The following IRX5 variants were observed in gnomAD, a reference collection of about 807,000 sequenced individuals.
IRX5 encodes the protein iroquois homeobox 5.
In IRX5, 8 loss-of-function variants were observed where a neutral mutation model predicts 37.6. The observed-to-expected ratio is 0.21, with a 90% confidence interval of 0.12 to 0.38. The LOEUF (loss-of-function observed/expected upper bound fraction) is 0.38, where lower values mean the gene tolerates loss of function less well. Ranked by LOEUF, IRX5 falls within the 10% of genes least tolerant of loss-of-function variation. IRX5 has a pLI of 1.00. For synonymous variants in IRX5, 359 were observed against 328.6 expected (o/e 1.09, Z -1.00); for missense variants, 635 against 695.2 (o/e 0.91, Z 0.97).
Position 54,931,260 on chromosome 16 carries a change from C to T in IRX5, c.62C>T (p.Pro21Leu), listed in dbSNP as rs1454297084. ...GCCTCGCTGGCGCTCTACTCGTGCC[C>T]GGCGTACAGCACCAGCGTCATTTCG... The part of the protein sequence containing the change: ...PSASLALYSC[P>L]AYSTSVISGP... The change falls in exon 1 of 3, where the codon CCG (proline) becomes CTG (leucine). Residue 21 changes from proline to leucine, a missense_variant. Coordinates refer to ENST00000394636, the MANE Select transcript of IRX5 (RefSeq NM_005853.6). The T allele has an allele frequency of 1.2e-6, 2 of 1,612,310 alleles. No homozygotes were observed. The highest frequency in any genetic ancestry group is 1.3e-5 in the African/African-American group (1 of 74,834).
chr16:54,931,239 C>T lies in IRX5; in HGVS notation c.41C>T (p.Ser14Leu). ...PQGYLYQPSA[S>L]LALYSCPAYS... Reference sequence around the variant, plus strand: ...GGCTACTTGTACCAGCCGTCCGCCTCGCTGGCGCTCTACTCGTGCCCGGCG... The same window carrying T: ...GGCTACTTGTACCAGCCGTCCGCCTTGCTGGCGCTCTACTCGTGCCCGGCG... Residue 14 changes from serine (S) to leucine (L), a missense_variant, in exon 1 of 3, where the codon TCG becomes TTG. Physicochemically the swap from Ser to Leu is moderately radical, Grantham distance 145. Around this residue, in one of 5 missense-constraint regions of IRX5, gnomAD observed 145 missense variants for 152.4 expected, o/e 0.95. Coordinates refer to ENST00000394636, the MANE Select transcript of IRX5 (RefSeq NM_005853.6). 1 of 1,611,694 alleles carries T rather than the reference C, an allele frequency of 6.2e-7. No homozygotes were observed. The highest frequency in any genetic ancestry group is 1.3e-5 in the African/African-American group (1 of 74,832).
rs1220018985 is a variant in IRX5, at chr16:54,930,996, C to T, written c.-203C>T. Reference sequence around the variant, plus strand: ...GCCCAGCTGGGGCGAGCGAGGCGCGCAGAGGAGCGGGCGCGGCGGTCGCAG... The same window carrying T: ...GCCCAGCTGGGGCGAGCGAGGCGCGTAGAGGAGCGGGCGCGGCGGTCGCAG... On this transcript the variant is annotated 5_prime_UTR_variant, in exon 1 of 3. Transcript: ENST00000394636. The T allele has an allele frequency of 6.2e-6, 1 of 161,794 alleles. No individual in the cohort carries two copies. Among genetic ancestry groups the T allele is most frequent in the East Asian group, 1.9e-4 (1 of 5,272 alleles). 10.0% of individuals were successfully genotyped at this position (161,794 alleles called of 1,614,324 possible).
chr16:54,934,019 C>A lies in IRX5; in HGVS notation c.*146C>A. On this transcript the variant is annotated 3_prime_UTR_variant, in exon 3 of 3. Coordinates refer to ENST00000394636, the MANE Select transcript of IRX5 (RefSeq NM_005853.6). ...GTTTATAGTTTATGGAGATGGATGA[C>A]ATAAAAATGTAAACATCTCCACACA... The A allele has an allele frequency of 1.3e-6, 1 of 746,768 alleles. No homozygotes were observed. The highest frequency in any genetic ancestry group is 1.9e-6 in the Non-Finnish European group (1 of 519,548). 46.3% of individuals were successfully genotyped at this position (746,768 alleles called of 1,614,324 possible). A position where few individuals can be genotyped will look rare whatever the true frequency, so the allele number is the denominator to read the frequency against.
rs1023501013 is a variant in IRX5 at position 54,932,445 on chromosome 16, C to G, written c.250-53C>G. 8 of 1,543,202 alleles carry G rather than the reference C, an allele frequency of 5.2e-6. No homozygotes were observed. The highest frequency in any genetic ancestry group is 7.0e-6 in the Non-Finnish European group (8 of 1,143,838). ...AGGGAAAAGGGTGCTTCGGTCGTTC[C>G]GATGGCAGTGGAGACCACGGTCCAC... On this transcript the variant is annotated intron_variant, in intron 1 of 2. Coordinates refer to ENST00000394636, the MANE Select transcript of IRX5 (RefSeq NM_005853.6). The surrounding 1 kb of genome is among the most constrained non-coding windows in gnomAD (Gnocchi z 6.7).
chr16:54,932,893 C>T lies in IRX5; in HGVS notation c.645C>T (p.Gly215=), dbSNP rs1329922842. ...QKPEDKGDPE[G]PEAGGAEQKA... is the part of the protein sequence containing the mutation. ...CCGAGGACAAGGGCGACCCCGAGGG[C>T]CCCGAAGCAGGTTGGTGGACATGGG... The change falls in exon 2 of 3, where the codon GGC becomes GGT. Residue 215 remains glycine (G), a synonymous_variant. Transcript: ENST00000394636. This position sits in a 1 kb window ranked among gnomAD's most constrained non-coding sequence, Gnocchi z 6.7. 1.2e-6 allele frequency: 2 copies of T among 1,609,914 alleles called. No individual in the cohort carries two copies. The highest frequency in any genetic ancestry group is 4.5e-5 in the East Asian group (2 of 44,782).
chr16:54,933,906 T>C lies in IRX5; in HGVS notation c.*33T>C, dbSNP rs1403671028. 1 of 1,526,752 alleles carries C rather than the reference T, an allele frequency of 6.5e-7. No homozygotes were observed. The highest frequency in any genetic ancestry group is 8.8e-7 in the Non-Finnish European group (1 of 1,135,200). The allele number at this position is 1,526,752 out of a possible 1,614,324, so 94.6% of individuals were successfully genotyped here. On this transcript the variant is annotated 3_prime_UTR_variant, in exon 3 of 3. Transcript: ENST00000394636. ...TGCGTCGGTCCCGGACTTTTCTAAT[T>C]TATTAAAAACATGGCCTTGGCAGTT...
rs1369773716 is a variant in IRX5 at position 54,934,020 on chromosome 16, A to T, written c.*147A>T. On this transcript the variant is annotated 3_prime_UTR_variant, in exon 3 of 3. Transcript: ENST00000394636. ...TTTATAGTTTATGGAGATGGATGAC[A>T]TAAAAATGTAAACATCTCCACACAA... 2 of 749,950 alleles carry T rather than the reference A, an allele frequency of 2.7e-6. No individual in the cohort carries two copies. Among genetic ancestry groups the T allele is most frequent in the Non-Finnish European group, 3.8e-6 (2 of 519,754 alleles). The allele number at this position is 749,950 out of a possible 1,614,324, so 46.5% of individuals were successfully genotyped here.
rs370331090 is a variant in IRX5 at position 54,933,604 on chromosome 16, G to A, written c.1183G>A (p.Gly395Arg). 6 of 1,610,412 alleles carry A rather than the reference G, an allele frequency of 3.7e-6. No homozygotes were observed. Among genetic ancestry groups the A allele is most frequent in the Admixed American group, 1.7e-5 (1 of 59,752 alleles). Residue 395 changes from glycine (G) to arginine (R), a missense_variant, in exon 3 of 3, where the codon GGG becomes AGG. Around this residue, in one of 5 missense-constraint regions of IRX5, gnomAD observed 188 missense variants for 200.8 expected, o/e 0.94. Coordinates refer to ENST00000394636, the MANE Select transcript of IRX5 (RefSeq NM_005853.6). ...CTCGGCGCAGTGTCCTTTTCCAGGCGGGACGGTGCTGTCCCGGCCTCTCTA... is the reference window on the plus strand; with the variant it reads ...CTCGGCGCAGTGTCCTTTTCCAGGCAGGACGGTGCTGTCCCGGCCTCTCTA... ...SPSAQCPFPG[G>R]TVLSRPLYYT... is the part of the protein sequence containing the mutation.
Position 54,931,218 on chromosome 16 carries a change from A to G in IRX5, c.20A>G (p.Tyr7Cys). Residue 7 changes from tyrosine (Y) to cysteine (C), a missense_variant, in exon 1 of 3, where the codon TAC becomes TGC. Coordinates refer to ENST00000394636, the MANE Select transcript of IRX5 (RefSeq NM_005853.6). ...GTGGCCATGTCCTATCCGCAGGGCT[A>G]CTTGTACCAGCCGTCCGCCTCGCTG... MSYPQGYLYQPSASLAL... is the reference protein window; with the variant it reads MSYPQGCLYQPSASLAL... The G allele has an allele frequency of 6.2e-7, 1 of 1,610,398 alleles. No homozygotes were observed. The highest frequency in any genetic ancestry group is 1.1e-5 in the South Asian group (1 of 90,760).
chr16:54,933,649 C>G lies in IRX5; in HGVS notation c.1228C>G (p.Pro410Ala), dbSNP rs1376125033. The change falls in exon 3 of 3, where the codon CCC becomes GCC. Residue 410 changes from proline to alanine, a missense_variant. Transcript: ENST00000394636. The stretch of plus-strand genomic sequence containing the variant: ...TCTCTACTACACCGCGCCCTTCTAT[C>G]CCGGCTACACGAACTATGGCTCCTT... ...RPLYYTAPFY[P>A]GYTNYGSFGH... 3.1e-6 allele frequency: 5 copies of G among 1,610,750 alleles called. No individual in the cohort carries two copies. Among genetic ancestry groups the G allele is most frequent in the Non-Finnish European group, 3.4e-6 (4 of 1,177,564 alleles).
In IRX5 at chr16:54,932,039, G is replaced by C. The variant is rs1200717237; in HGVS notation, c.250-459G>C. The C allele has an allele frequency of 5.7e-6, 4 of 701,324 alleles. No individual in the cohort carries two copies. Among genetic ancestry groups the C allele is most frequent in the African/African-American group, 1.8e-5 (1 of 57,048 alleles). The allele number at this position is 701,324 out of a possible 1,614,324, so 43.4% of individuals were successfully genotyped here. On this transcript the variant is annotated intron_variant, in intron 1 of 2. Coordinates refer to ENST00000394636, the MANE Select transcript of IRX5 (RefSeq NM_005853.6). The surrounding 1 kb of genome is among the most constrained non-coding windows in gnomAD (Gnocchi z 6.7). The stretch of plus-strand genomic sequence containing the variant: ...GTGCGTGGGCATGGCTCAGCTTTTT[G>C]TTTGCATTTCTTAGCTGTTGAAAAA...
chr16:54,933,126 AC>A lies in IRX5; in HGVS notation c.708del (p.Thr237ProfsTer130). 1 of 1,586,552 alleles carries A rather than the reference AC, an allele frequency of 6.3e-7. No homozygotes were observed. The highest frequency in any genetic ancestry group is 1.1e-5 in the South Asian group (1 of 88,986). ...CGGGCTGCGAACGGCTTCAGGGACC[AC>A]CCACCCCTGCAGGCAAGGAGACGGA... ...ASGCERLQGP[P>X]TPAGKETEGS... On this transcript the variant is annotated frameshift_variant, in exon 3 of 3. Coordinates refer to ENST00000394636, the MANE Select transcript of IRX5 (RefSeq NM_005853.6). LOFTEE classifies it high-confidence loss of function.
At position 54,932,534 on chromosome 16, in the gene IRX5, T is replaced by C. The variant is rs775342931; in HGVS notation, c.286T>C (p.Ser96Pro). The C allele has an allele frequency of 6.2e-7, 1 of 1,613,380 alleles. No individual in the cohort carries two copies. Among genetic ancestry groups the C allele is most frequent in the Non-Finnish European group, 8.5e-7 (1 of 1,179,656 alleles). Residue 96 changes from serine to proline, a missense_variant, in exon 2 of 3, where the codon TCC (serine) becomes CCC (proline). By Grantham distance (74) the Ser-to-Pro change is moderately conservative (BLOSUM62 -1). Around this residue, in one of 5 missense-constraint regions of IRX5, gnomAD observed 145 missense variants for 152.4 expected, o/e 0.95. Transcript: ENST00000394636. This position sits in a 1 kb window ranked among gnomAD's most constrained non-coding sequence, Gnocchi z 6.7. ...CGACCACACACCCGGCATGGCGGGC[T>C]CCTTGGGGTACCATCCTTACGCGGC... ...PYDHTPGMAG[S>P]LGYHPYAAPL...
Position 54,933,308 on chromosome 16 carries a change from C to T in IRX5, c.887C>T (p.Pro296Leu). The T allele has an allele frequency of 1.4e-6, 2 of 1,414,834 alleles. No homozygotes were observed. The highest frequency in any genetic ancestry group is 1.8e-6 in the Non-Finnish European group (2 of 1,091,152). The allele number at this position is 1,414,834 out of a possible 1,614,324, so 87.6% of individuals were successfully genotyped here. A position where few individuals can be genotyped will look rare whatever the true frequency, so the allele number is the denominator to read the frequency against. ...GCCCCTCACTACCCCGCCGGAGCGC[C>T]GGCGCCCGGCCCGCATCCAGCCGCG... ...DPAPHYPAGA[P>L]APGPHPAAGE... Residue 296 changes from proline to leucine, a missense_variant, in exon 3 of 3, where the codon CCG becomes CTG. Physicochemically the swap from Pro to Leu is moderately conservative, Grantham distance 98. Coordinates refer to ENST00000394636, the MANE Select transcript of IRX5 (RefSeq NM_005853.6).
chr16:54,933,204 C>T lies in IRX5; in HGVS notation c.783C>T (p.Leu261=), dbSNP rs750725523. ...AGGAGCCGCCCTCGGAGGGCCGCCT[C>T]GACGCGCTGCAGGGCCCCCCCCGCA... is the stretch of plus-strand genomic sequence containing the variant. The part of the protein sequence containing the change: ...DFKEPPSEGR[L]DALQGPPRTG... The change falls in exon 3 of 3, where the codon CTC becomes CTT. Residue 261 remains leucine, a synonymous_variant. Transcript: ENST00000394636. The T allele has an allele frequency of 6.5e-7, 1 of 1,533,844 alleles. No homozygotes were observed. Among genetic ancestry groups the T allele is most frequent in the Non-Finnish European group, 8.7e-7 (1 of 1,147,112 alleles).
In IRX5 at chr16:54,931,008, C is replaced by A; in HGVS notation, c.-191C>A. 1 of 170,376 alleles carries A rather than the reference C, an allele frequency of 5.9e-6. No homozygotes were observed. The highest frequency in any genetic ancestry group is 1.2e-5 in the Non-Finnish European group (1 of 84,154). 10.6% of individuals were successfully genotyped at this position (170,376 alleles called of 1,614,324 possible). ...CGAGCGAGGCGCGCAGAGGAGCGGG[C>A]GCGGCGGTCGCAGCCGGAGGCGCGC... On this transcript the variant is annotated 5_prime_UTR_variant, in exon 1 of 3. Coordinates refer to ENST00000394636, the MANE Select transcript of IRX5 (RefSeq NM_005853.6).
In IRX5 at chr16:54,932,145, C is replaced by T. The variant is rs1430584495; in HGVS notation, c.250-353C>T. The T allele has an allele frequency of 1.1e-5, 8 of 702,834 alleles. No individual in the cohort carries two copies. The highest frequency in any genetic ancestry group is 2.1e-5 in the Non-Finnish European group (8 of 384,980). The allele number at this position is 702,834 out of a possible 1,614,324, so 43.5% of individuals were successfully genotyped here. ...CGCTCCCCCGCCGAGCGCGGAGTCG[C>T]CTCAGTTGCCCAGGCCTCTATCTGC... On this transcript the variant is annotated intron_variant, in intron 1 of 2. Transcript: ENST00000394636. The surrounding 1 kb of genome is among the most constrained non-coding windows in gnomAD (Gnocchi z 6.7).
At position 54,931,104 on chromosome 16, in the gene IRX5, A is replaced by C; in HGVS notation, c.-95A>C. On this transcript the variant is annotated 5_prime_UTR_variant, in exon 1 of 3. Coordinates refer to ENST00000394636, the MANE Select transcript of IRX5 (RefSeq NM_005853.6). Reference sequence around the variant, plus strand: ...GGCCAGAGGAGCGGCGGCCCAGGGCAGCCAGAGGCCAGGTGCCCGCCCGCT... The same window carrying C: ...GGCCAGAGGAGCGGCGGCCCAGGGCCGCCAGAGGCCAGGTGCCCGCCCGCT... The C allele has an allele frequency of 1.0e-6, 1 of 991,670 alleles. No homozygotes were observed. The highest frequency in any genetic ancestry group is 1.7e-5 in the African/African-American group (1 of 57,966). 61.4% of individuals were successfully genotyped at this position (991,670 alleles called of 1,614,324 possible). A position where few individuals can be genotyped will look rare whatever the true frequency, so the allele number is the denominator to read the frequency against.
Position 54,931,398 on chromosome 16 carries a change from A to G in IRX5, c.200A>G (p.Tyr67Cys), listed in dbSNP as rs1285463893. 9 of 1,597,914 alleles carry G rather than the reference A, an allele frequency of 5.6e-6. No homozygotes were observed. Among genetic ancestry groups the G allele is most frequent in the South Asian group, 5.5e-5 (5 of 90,818 alleles). The stretch of plus-strand genomic sequence containing the variant: ...CCGGGCTACAACTCGCACCTCCAGT[A>G]CGGCGCCGACCCCGCGGCCGCCGCC... The part of the protein sequence containing the change: ...PSPGYNSHLQ[Y>C]GADPAAAAAA... Residue 67 changes from tyrosine (Y) to cysteine (C), a missense_variant, in exon 1 of 3, where the codon TAC becomes TGC. Physicochemically the swap from Tyr to Cys is radical, Grantham distance 194 (BLOSUM62 -2). This residue lies in a region of IRX5 where 145 missense variants were observed against 152.4 expected (regional missense o/e 0.95). Coordinates refer to ENST00000394636, the MANE Select transcript of IRX5 (RefSeq NM_005853.6).
Sources: gnomAD v4.1 joint callset for allele counts on GRCh38, gnomAD v4.1.1 for gene constraint, gnomAD v4.1.1 regional missense constraint, Gnocchi (gnomAD v3.1) non-coding constraint, MANE v1.5 for transcripts, NCBI Gene and HGNC (gene_info 2026-07-23, HGNC 2026-07-21) for gene names.